RBFOX1: variants seen among roughly 807,000 people sequenced by gnomAD.
RBFOX1 encodes the protein RNA binding protein fox-1 homolog 1.
A neutral mutation model predicts 57.7 loss-of-function variants in RBFOX1; 8 were observed. The ratio of observed to expected loss-of-function variants is 0.14; its 90% CI spans 0.08 to 0.25. The LOEUF is 0.25. RBFOX1 is among the 10% of genes least tolerant of loss of function. The pLI, the probability that RBFOX1 is intolerant of heterozygous loss-of-function variation, is 1.00. For synonymous variants in RBFOX1, 326 were observed against 222.4 expected (o/e 1.47, Z -4.15); for missense variants, 611 against 548.5 (o/e 1.11, Z -1.14).
chr16:7,085,218 A>AAT (rs1277445854), intron 4 of RBFOX1, among the ~76,000 whole-genome samples: 1 of 152,194 alleles, frequency 6.6e-6, no homozygotes, highest in African/African-American at 2.4e-5. Context: ...CTTGCCAAAT[A>AAT]ACATCTGATT....
intron 2 of RBFOX1, among the ~76,000 whole-genome samples, chr16:6,638,500 T>G (rs1372334597): frequency 6.6e-6 from 1 of 152,192 alleles, no homozygotes; most frequent in Admixed American, 6.6e-5. Flanking sequence ...AAAATATGCT[T>G]CTGGCATATT....
At chr16:6,600,602 C>T (rs975208230) in intron 2 of RBFOX1, among the ~76,000 whole-genome samples, 1 of 152,136 alleles carries the variant, frequency 6.6e-6, no homozygotes, top group Non-Finnish European at 1.5e-5. Flanking sequence ...ACAAACCTGC[C>T]ATCATTTCTG....
chr16:6,210,088 C>T (rs1401680702), intron 1 of RBFOX1, among the ~76,000 whole-genome samples: 2 of 151,522 alleles, frequency 1.3e-5, no homozygotes, highest in Non-Finnish European at 2.9e-5. Context: ...GAGGCTGAGA[C>T]CGGTGGATCA....
At chr16:6,184,777 C>T (rs2097094514) in intron 1 of RBFOX1, among the ~76,000 whole-genome samples, 1 of 151,888 alleles carries the variant, frequency 6.6e-6, no homozygotes, top group African/African-American at 2.4e-5. Context: ...CCATGTTGGC[C>T]AGGATGGCCT....
At chr16:6,557,058 TATATAC>T (rs2097111741) in intron 2 of RBFOX1, among the ~76,000 whole-genome samples, 1 of 144,630 alleles carries the variant, frequency 6.9e-6, no homozygotes, top group African/African-American at 2.5e-5. Flanking sequence ...TATATATACA[TATATAC>T]ATACATATAT....
intron 3 of RBFOX1, among the ~76,000 whole-genome samples, chr16:5,843,912 G>C (rs1041195653): frequency 2.0e-5 from 3 of 152,200 alleles, no homozygotes. Context: ...GGGTTCTGGA[G>C]GTTGAATTTC....
chr16:5,472,411 T>C (rs2069170023), intron 2 of RBFOX1, among the ~76,000 whole-genome samples: 1 of 152,190 alleles, frequency 6.6e-6, no homozygotes, highest in Non-Finnish European at 1.5e-5. Context: ...GGGGGGATCC[T>C]CAGGGTTAGA....
chr16:7,165,773 G>C (rs969361400), intron 4 of RBFOX1, among the ~76,000 whole-genome samples: 4 of 151,958 alleles, frequency 2.6e-5, no homozygotes, highest in African/African-American at 7.3e-5. Context: ...CCAATTCTTA[G>C]ACCTGTGACT....
intron 3 of RBFOX1, among the ~76,000 whole-genome samples, chr16:5,625,671 C>T (rs1407585917): frequency 2.0e-5 from 3 of 151,846 alleles, no homozygotes; most frequent in African/African-American, 7.3e-5. Flanking sequence ...GATTCTCCTT[C>T]CTCAGCCTCC....
intron 4 of RBFOX1, among the ~76,000 whole-genome samples, chr16:5,915,128 C>G (rs1407310794): frequency 3.3e-5 from 5 of 152,158 alleles, no homozygotes; most frequent in South Asian, 4.1e-4. Flanking sequence ...CTGCTCATTC[C>G]ACTACTTTTT....
At chr16:6,439,158 T>C (rs809693) in intron 2 of RBFOX1, among the ~76,000 whole-genome samples, 59,119 of 152,044 alleles carry the variant, frequency 0.39, 14,437 homozygotes, top group African/African-American at 0.69. Context: ...CCCTTGCAGT[T>C]TGAAGTTTGT....
chr16:6,769,350 C>A (rs1273539747), intron 3 of RBFOX1, among the ~76,000 whole-genome samples: 1 of 152,166 alleles, frequency 6.6e-6, no homozygotes, highest in Non-Finnish European at 1.5e-5. Context: ...GGTCTTTCTC[C>A]CGTAAGTTGC....
At chr16:5,605,024 C>T (rs1823661383), downstream of RBFOX1, among the ~76,000 whole-genome samples, 1 of 152,224 alleles carries the variant, frequency 6.6e-6, no homozygotes, top group African/African-American at 2.4e-5. Flanking sequence ...ACAGCCCGCG[C>T]ACACACACCC....
intron 1 of RBFOX1, among the ~76,000 whole-genome samples, chr16:5,365,349 A>G (rs34191144): frequency 0.35 from 53,593 of 151,982 alleles, 9,739 homozygotes; most frequent in African/African-American, 0.4. Flanking sequence ...CCCAACACAT[A>G]AAGTCTAAAG....
chr16:5,879,971 C>G (rs918556387), intron 4 of RBFOX1, among the ~76,000 whole-genome samples: 2 of 152,188 alleles, frequency 1.3e-5, no homozygotes, highest in Non-Finnish European at 2.9e-5. Context: ...GAACCTGTAA[C>G]AAGAGGCCTG....
chr16:7,467,071 T>C (rs1336934828), intron 4 of RBFOX1, among the ~76,000 whole-genome samples: 1 of 152,212 alleles, frequency 6.6e-6, no homozygotes, highest in Non-Finnish European at 1.5e-5. Flanking sequence ...ACACTGCATA[T>C]AAATATGTAC....
intron 1 of RBFOX1, among the ~76,000 whole-genome samples, chr16:6,072,782 A>C (rs1022968470): frequency 2.0e-5 from 3 of 152,022 alleles, no homozygotes; most frequent in Non-Finnish European, 4.4e-5. Flanking sequence ...AACCACCTCC[A>C]TGTTAAGATC....
chr16:6,385,424 A>G (rs1299768977), intron 2 of RBFOX1, among the ~76,000 whole-genome samples: 1 of 152,168 alleles, frequency 6.6e-6, no homozygotes. Context: ...CAGTGCCGCC[A>G]TCTTGGCTCA....
chr16:6,781,226 C>T (rs2080967534), intron 3 of RBFOX1, among the ~76,000 whole-genome samples: 1 of 152,086 alleles, frequency 6.6e-6, no homozygotes, highest in South Asian at 2.1e-4. Context: ...TATGATATGT[C>T]ACATTTATTG....
Sources: allele counts gnomAD v4.1 joint callset (sites outside exome capture counted in the v4.1 genomes callset), GRCh38; gene constraint gnomAD v4.1.1; transcripts MANE v1.5; gene names NCBI Gene and HGNC (gene_info 2026-07-23, HGNC 2026-07-21).